The following SERINC5 variants were observed in gnomAD, a reference collection of about 807,000 sequenced individuals.
The protein encoded by SERINC5 is serine incorporator 5, also known as chromosome 5 open reading frame 12.
A neutral mutation model predicts 63.1 loss-of-function variants in SERINC5; 41 were observed. That is an observed-to-expected ratio of 0.65 (90% confidence interval 0.51 to 0.84). SERINC5 has a LOEUF of 0.84. Ranked by LOEUF, SERINC5 falls within the 40% of genes least tolerant of loss-of-function variation. SERINC5 has a pLI of 0.00. For synonymous variants in SERINC5, 222 were observed against 215.2 expected (o/e 1.03, Z -0.28); for missense variants, 523 against 573.0 (o/e 0.91, Z 0.89).
At chr5:80,154,459 G>A (rs140212364) in intron 8 of SERINC5, among the ~76,000 whole-genome samples, 69 of 152,276 alleles carry the variant, frequency 4.5e-4, no homozygotes, top group South Asian at 2.1e-3. Context: ...GATTACAGGC[G>A]TGAGCCATCA....
At chr5:80,175,794 G>A (rs565355819) in intron 4 of SERINC5, among the ~76,000 whole-genome samples, 23 of 150,550 alleles carry the variant, frequency 1.5e-4, no homozygotes, top group African/African-American at 4.6e-4. Context: ...AACCTGTGAG[G>A]TGGAGGTCAC....
intron 5 of SERINC5, among the ~76,000 whole-genome samples, chr5:80,174,670 G>A (rs1433689073): frequency 6.6e-6 from 1 of 152,004 alleles, no homozygotes; most frequent in Non-Finnish European, 1.5e-5. Context: ...TTGGGAGGCC[G>A]AGGTGGGCGG....
Position 80,141,787 on chromosome 5 carries a change from C to A in SERINC5, c.*1876G>T. ...AATCTTTTAACTGCTGAGTACAGAG[C>A]TCCTGCCCTAAAAAAGGAAATTTAA... is the stretch of plus-strand genomic sequence containing the variant. On this transcript the variant is annotated 3_prime_UTR_variant, in exon 12 of 12. Coordinates refer to ENST00000507668, the MANE Select transcript of SERINC5 (RefSeq NM_001174072.3). 2 of 985,422 alleles carry A rather than the reference C, an allele frequency of 2.0e-6. No individual in the cohort carries two copies. The highest frequency in any genetic ancestry group is 2.4e-6 in the Non-Finnish European group (2 of 829,938). 61.0% of individuals were successfully genotyped at this position (985,422 alleles called of 1,614,324 possible).
Position 80,158,855 on chromosome 5 carries a change from C to T in SERINC5, c.967G>A (p.Gly323Arg), listed in dbSNP as rs753227309. Residue 323 changes from glycine to arginine, a missense_variant, in exon 8 of 12, where the codon GGA becomes AGA. Physicochemically the swap from Gly to Arg is moderately radical, Grantham distance 125. Transcript: ENST00000507668. ...VTILGTSLLIGCILYSCLTST... is the reference protein window; with the variant it reads ...VTILGTSLLIRCILYSCLTST... Reference sequence around the variant, plus strand: ...ACTTACCATGAATACAAGATACATCCGATTAAGAGGCTGGTCCCCAGTATA... The same window carrying T: ...ACTTACCATGAATACAAGATACATCTGATTAAGAGGCTGGTCCCCAGTATA... 5 of 1,613,518 alleles carry T rather than the reference C, an allele frequency of 3.1e-6. No homozygotes were observed. Among genetic ancestry groups the T allele is most frequent in the East Asian group, 2.2e-5 (1 of 44,872 alleles).
chr5:80,230,459 A>AAAGAAAG lies in SERINC5; in HGVS notation c.27+25436_27+25437insCTTTCTT, dbSNP rs1554071008. On this transcript the variant is annotated intron_variant, in intron 1 of 11. Coordinates refer to ENST00000507668, the MANE Select transcript of SERINC5 (RefSeq NM_001174072.3). Reference sequence around the variant, plus strand: ...CAAGACTGTCACAAAAAAAAAAAAAAAAAGAAACCATTGCTCTTCAAATTT... The same window carrying AAAGAAAG: ...CAAGACTGTCACAAAAAAAAAAAAAAAAGAAAGAAAGAAACCATTGCTCTTCAAATTT... Among the ~76,000 whole-genome samples, 16 of 128,620 alleles carry AAAGAAAG rather than the reference A, an allele frequency of 1.2e-4. 2 individuals are homozygous for AAAGAAAG. The highest frequency in any genetic ancestry group is 5.0e-4 in the African/African-American group (16 of 32,010). The allele number at this position is 128,620 out of a possible 152,430, so 84.4% of individuals were successfully genotyped here.
intron 2 of SERINC5, among the ~76,000 whole-genome samples, chr5:80,192,658 G>A (rs1749261293): frequency 6.6e-6 from 1 of 152,136 alleles, no homozygotes; most frequent in Non-Finnish European, 1.5e-5. Context: ...ATGAAAGCCA[G>A]CATGTCGAAA....
At chr5:80,196,882 G>A (rs1475142801) in intron 2 of SERINC5, among the ~76,000 whole-genome samples, 1 of 151,504 alleles carries the variant, frequency 6.6e-6, no homozygotes, top group Non-Finnish European at 1.5e-5. Flanking sequence ...GGGGGTTGCT[G>A]TGAGCCGAGA....
At chr5:80,201,077 C>T (rs1561420632) in intron 2 of SERINC5, among the ~76,000 whole-genome samples, 1 of 151,878 alleles carries the variant, frequency 6.6e-6, no homozygotes. Context: ...CCAGCCTGGG[C>T]AACAGAGCAA....
rs11738314 is a variant in SERINC5, at chr5:80,237,199, G to T, written c.27+18697C>A. On this transcript the variant is annotated intron_variant, in intron 1 of 11. Transcript: ENST00000507668. ...GTGCATCCTTGGTAGTAAAGGCAGG[G>T]GCAGTGTTTTCACAAAGACTGGTGA... Among the ~76,000 whole-genome samples the T allele has an allele frequency of 5.9e-5, 9 of 152,186 alleles. No individual in the cohort carries two copies. The South Asian group carries it at 1.4e-3, about 25-fold the overall frequency.
intron 1 of SERINC5, among the ~76,000 whole-genome samples, chr5:80,240,665 T>A (rs1751903879): frequency 1.3e-5 from 2 of 152,230 alleles, no homozygotes; most frequent in Admixed American, 6.5e-5. Flanking sequence ...TAAACATTTG[T>A]ATGATTAATT....
Position 80,234,285 on chromosome 5 carries a change from A to T in SERINC5, c.27+21611T>A, listed in dbSNP as rs1187876649. Among the ~76,000 whole-genome samples, 3 of 152,226 alleles carry T rather than the reference A, an allele frequency of 2.0e-5. No individual in the cohort carries two copies. The East Asian group carries it at 5.8e-4, about 29-fold the overall frequency. On this transcript the variant is annotated intron_variant, in intron 1 of 11. Coordinates refer to ENST00000507668, the MANE Select transcript of SERINC5 (RefSeq NM_001174072.3). ...AAGACTGATCTGACAGTTTAATCTT[A>T]GCACCATTGTTTTAGGATTGGCGTA...
intron 2 of SERINC5, among the ~76,000 whole-genome samples, chr5:80,191,460 T>C (rs1424850030): frequency 9.9e-5 from 11 of 110,700 alleles, no homozygotes; most frequent in Non-Finnish European, 1.9e-4. Flanking sequence ...CTGGGCAACA[T>C]AGGGAGACTC....
At chr5:80,162,535 A>G (rs78329666) in intron 7 of SERINC5, among the ~76,000 whole-genome samples, 2,078 of 152,198 alleles carry the variant, frequency 0.014, 35 homozygotes, top group African/African-American at 0.045. Context: ...CACCACACTC[A>G]GCTAATTTGT....
At chr5:80,211,396 T>C (rs200919439) in intron 1 of SERINC5, among the ~76,000 whole-genome samples, 1 of 18,174 alleles carries the variant, frequency 5.5e-5, no homozygotes, top group Non-Finnish European at 1.1e-4. Flanking sequence ...CTGAATCAGG[T>C]TAAGTTCAAT....
chr5:80,137,151 A>C (rs1434965280), downstream of SERINC5, among the ~76,000 whole-genome samples: 8 of 141,404 alleles, frequency 5.7e-5, no homozygotes, highest in Non-Finnish European at 7.6e-5. Flanking sequence ...AAAAAAAAAA[A>C]AAAAAAAAAA....
chr5:80,152,294 A>T (rs887348663), intron 8 of SERINC5, among the ~76,000 whole-genome samples: 1 of 152,136 alleles, frequency 6.6e-6, no homozygotes, highest in African/African-American at 2.4e-5. Context: ...TGAGCCCAGG[A>T]GTTCGAGACC....
chr5:80,141,439 TG>T lies in SERINC5; in HGVS notation c.*2223del, dbSNP rs1466880032. On this transcript the variant is annotated 3_prime_UTR_variant, in exon 12 of 12. Coordinates refer to ENST00000507668, the MANE Select transcript of SERINC5 (RefSeq NM_001174072.3). ...CCAAGGAATACAAGGCCTTGTCAGC[TG>T]GACCTTGACTGCGCGTAAGGTCAGT... 1.0e-6 allele frequency: 1 copy of T among 985,394 alleles called. No individual in the cohort carries two copies. The highest frequency in any genetic ancestry group is 1.7e-5 in the African/African-American group (1 of 57,252). The allele number at this position is 985,394 out of a possible 1,614,324, so 61.0% of individuals were successfully genotyped here.
chr5:80,155,788 A>G (rs1239220895), intron 8 of SERINC5, among the ~76,000 whole-genome samples: 1 of 152,104 alleles, frequency 6.6e-6, no homozygotes, highest in Non-Finnish European at 1.5e-5. Flanking sequence ...AACTCCCACA[A>G]GTGGACCAAG....
rs767007795 is a variant in SERINC5, at chr5:80,177,868, G to A, written c.374+18C>T. 1 of 1,587,132 alleles carries A rather than the reference G, an allele frequency of 6.3e-7. No homozygotes were observed. Among genetic ancestry groups the A allele is most frequent in the Non-Finnish European group, 8.6e-7 (1 of 1,167,512 alleles). ...TAAGAAAGGAGAAAGCAATCCCCAA[G>A]AAGACTAAAATACTTACCCATTGTG... is the stretch of plus-strand genomic sequence containing the variant. On this transcript the variant is annotated intron_variant, in intron 3 of 11. Transcript: ENST00000507668.
Sources: allele counts gnomAD v4.1 joint callset (sites outside exome capture counted in the v4.1 genomes callset), GRCh38; gene constraint gnomAD v4.1.1; transcripts MANE v1.5; gene names NCBI Gene and HGNC (gene_info 2026-07-23, HGNC 2026-07-21).